The following TNFAIP1 variants were observed in gnomAD, a reference collection of about 807,000 sequenced individuals.
TNFAIP1 encodes the protein TNF alpha induced protein 1.
Under a neutral mutation model 32.6 loss-of-function variants are expected in TNFAIP1, and 20 were observed. The observed-to-expected ratio is 0.61, with a 90% CI of 0.43 to 0.89. TNFAIP1 has a LOEUF of 0.89. Among genes scored for constraint, TNFAIP1 ranks in the 40% least tolerant of loss-of-function variants. The pLI, the probability that TNFAIP1 is intolerant of heterozygous loss-of-function variation, is 0.00. For missense variants in TNFAIP1, 319 were observed against 425.1 expected (o/e 0.75, Z 2.20); for synonymous variants, 166 against 166.8 (o/e 1.00, Z 0.04).
chr17:28,339,068 CAAA>C (rs527819223), intron 1 of TNFAIP1, among the ~76,000 whole-genome samples: 10 of 98,392 alleles, frequency 1.0e-4, no homozygotes, highest in African/African-American at 1.1e-4. Context: ...CTGTCTCTAC[CAAA>C]AAAAAAAAAA....
rs1265932790 is a variant in TNFAIP1, at chr17:28,336,222, C to G, written c.-115+366C>G. Among the ~76,000 whole-genome samples, 5 of 152,292 alleles carry G rather than the reference C, an allele frequency of 3.3e-5. No individual in the cohort carries two copies. In the South Asian group the frequency reaches 1.0e-3, roughly 32 times the overall value. ...TAGACCCCTCCTCTTTCCACCTCCG[C>G]GGCTGTTTGCCCTTTGTTGTGCTTG... On this transcript the variant is annotated intron_variant, in intron 1 of 6. Coordinates refer to ENST00000226225, the MANE Select transcript of TNFAIP1 (RefSeq NM_021137.5).
rs1907556546 is a variant in TNFAIP1, at chr17:28,346,222, T to C, written c.*1622T>C. 1 of 152,332 alleles carries C rather than the reference T, an allele frequency of 6.6e-6. No individual in the cohort carries two copies. Among genetic ancestry groups the C allele is most frequent in the Admixed American group, 6.5e-5 (1 of 15,302 alleles). 9.4% of individuals were successfully genotyped at this position (152,332 alleles called of 1,614,324 possible). A position where few individuals can be genotyped will look rare whatever the true frequency, so the allele number is the denominator to read the frequency against. ...ACAGTCTTGAATGTATAAACAGCAC[T>C]AAGACTCTCAGGTCAGGTACCTTGG... On this transcript the variant is annotated 3_prime_UTR_variant, in exon 7 of 7. Transcript: ENST00000226225.
In TNFAIP1 at chr17:28,339,694, G is replaced by A; in HGVS notation, c.173G>A (p.Ser58Asn). 1 of 1,614,062 alleles carries A rather than the reference G, an allele frequency of 6.2e-7. No individual in the cohort carries two copies. The highest frequency in any genetic ancestry group is 8.5e-7 in the Non-Finnish European group (1 of 1,180,018). ...GACACCATGCTCAAGGCCATGTTCAGTGGGCGCATGGAGGTGCTGACCGAC... is the reference window on the plus strand; with the variant it reads ...GACACCATGCTCAAGGCCATGTTCAATGGGCGCATGGAGGTGCTGACCGAC... The part of the protein sequence containing the change: ...RHDTMLKAMF[S>N]GRMEVLTDKE... The change falls in exon 2 of 7, where the codon AGT becomes AAT. Residue 58 changes from serine to asparagine, a missense_variant. Physicochemically the swap from Ser to Asn is conservative, Grantham distance 46. Coordinates refer to ENST00000226225, the MANE Select transcript of TNFAIP1 (RefSeq NM_021137.5).
Position 28,344,672 on chromosome 17 carries a change from C to T in TNFAIP1, c.*72C>T, listed in dbSNP as rs782393879. On this transcript the variant is annotated 3_prime_UTR_variant, in exon 7 of 7. Transcript: ENST00000226225. ...TGTGGAACCCGCCCCATTGGCCACC[C>T]CATGCTGCTGCTGCCTGGGTCTCTG... 1 of 1,471,586 alleles carries T rather than the reference C, an allele frequency of 6.8e-7. No homozygotes were observed. The highest frequency in any genetic ancestry group is 9.4e-7 in the Non-Finnish European group (1 of 1,067,814). 91.2% of individuals were successfully genotyped at this position (1,471,586 alleles called of 1,614,324 possible). A position where few individuals can be genotyped will look rare whatever the true frequency, so the allele number is the denominator to read the frequency against.
Position 28,342,519 on chromosome 17 carries a change from G to A in TNFAIP1, c.714+77G>A. ...GGGGGACGTGGTCGGGCTGTGACCA[G>A]CACGGAGCAAAAGGGGCATGGACTT... On this transcript the variant is annotated intron_variant, in intron 6 of 6. Transcript: ENST00000226225. This position sits in a 1 kb window ranked among gnomAD's most constrained non-coding sequence, Gnocchi z 4.0. The A allele has an allele frequency of 7.2e-7, 1 of 1,397,108 alleles. No individual in the cohort carries two copies. The allele number at this position is 1,397,108 out of a possible 1,614,324, so 86.5% of individuals were successfully genotyped here.
chr17:28,336,675 G>C (rs532603196), intron 1 of TNFAIP1: 4 of 152,206 alleles, frequency 2.6e-5, no homozygotes, highest in Non-Finnish European at 5.9e-5. Flanking sequence ...GAAAAGGGAA[G>C]GTGATCTCAT....
Position 28,335,801 on chromosome 17 carries a change from G to C in TNFAIP1, c.-170G>C, listed in dbSNP as rs1597791704. On this transcript the variant is annotated 5_prime_UTR_variant, in exon 1 of 7. Coordinates refer to ENST00000226225, the MANE Select transcript of TNFAIP1 (RefSeq NM_021137.5). ...TGAGGGGCAGGCGGCTGCAGGCTAG[G>C]GGCGGCTCGGAGTCCGCTGGCCACC... 6.6e-6 allele frequency: 1 copy of C among 152,514 alleles called. No individual in the cohort carries two copies. The highest frequency in any genetic ancestry group is 6.5e-5 in the Admixed American group (1 of 15,298). 9.4% of individuals were successfully genotyped at this position (152,514 alleles called of 1,614,324 possible).
Position 28,346,465 on chromosome 17 carries a change from A to C in TNFAIP1, c.*1865A>C. 1 of 151,482 alleles carries C rather than the reference A, an allele frequency of 6.6e-6. No homozygotes were observed. The highest frequency in any genetic ancestry group is 1.9e-4 in the East Asian group (1 of 5,166). The allele number at this position is 151,482 out of a possible 1,614,324, so 9.4% of individuals were successfully genotyped here. ...GAGGTGTTGTGATGCTTGCCTTTTG[A>C]CCTCCCCATCCCCTTTAGTCCCTGC... On this transcript the variant is annotated 3_prime_UTR_variant, in exon 7 of 7. Transcript: ENST00000226225.
chr17:28,342,984 G>A lies in TNFAIP1; in HGVS notation c.714+542G>A, dbSNP rs1907420059. 6.6e-6 allele frequency among the ~76,000 whole-genome samples: 1 copy of A among 151,996 alleles called. No individual in the cohort carries two copies. The highest frequency in any genetic ancestry group is 2.4e-5 in the African/African-American group (1 of 41,380). ...GAGCCCAGGAGTTCAAGACCACCCT[G>A]GACAACATGGTGAAACCCCGTCTTT... On this transcript the variant is annotated intron_variant, in intron 6 of 6. Coordinates refer to ENST00000226225, the MANE Select transcript of TNFAIP1 (RefSeq NM_021137.5). The surrounding 1 kb of genome is among the most constrained non-coding windows in gnomAD (Gnocchi z 4.0).
In TNFAIP1 at chr17:28,342,288, A is replaced by T; in HGVS notation, c.560A>T (p.Asp187Val). Residue 187 changes from aspartate (D) to valine (V), a missense_variant, in exon 6 of 7, where the codon GAC (aspartate) becomes GTC (valine). Coordinates refer to ENST00000226225, the MANE Select transcript of TNFAIP1 (RefSeq NM_021137.5). This position sits in a 1 kb window ranked among gnomAD's most constrained non-coding sequence, Gnocchi z 4.0. ...CTGCTGAAAAACATCGAGCTGTTTG[A>T]CAAGCTCTCCCTGCGCTTCAACGGC... is the stretch of plus-strand genomic sequence containing the variant. Reference protein sequence around the residue: ...DHLLKNIELFDKLSLRFNGRV... With the variant: ...DHLLKNIELFVKLSLRFNGRV... 1.6e-5 allele frequency: 26 copies of T among 1,590,472 alleles called. No homozygotes were observed. The highest frequency in any genetic ancestry group is 2.2e-5 in the Non-Finnish European group (25 of 1,160,120).
At chr17:28,339,967 G>A (rs1472848352) in intron 2 of TNFAIP1, among the ~76,000 whole-genome samples, 2 of 152,224 alleles carry the variant, frequency 1.3e-5, no homozygotes, top group Non-Finnish European at 2.9e-5. Flanking sequence ...CATAGGAGCC[G>A]TCACCTTAAG....
rs782352267 is a variant in TNFAIP1, at chr17:28,344,428, G to A, written c.779G>A (p.Arg260His). Residue 260 changes from arginine to histidine, a missense_variant, in exon 7 of 7, where the codon CGC becomes CAC. Coordinates refer to ENST00000226225, the MANE Select transcript of TNFAIP1 (RefSeq NM_021137.5). ...AACGTCCTACTCTATGAGACTCCCCGCGTCCCCGACAACTCCTTGTTGGAG... is the reference window on the plus strand; with the variant it reads ...AACGTCCTACTCTATGAGACTCCCCACGTCCCCGACAACTCCTTGTTGGAG... ...TLNVLLYETP[R>H]VPDNSLLEAT... The A allele has an allele frequency of 6.2e-7, 1 of 1,613,874 alleles. No individual in the cohort carries two copies. The highest frequency in any genetic ancestry group is 8.5e-7 in the Non-Finnish European group (1 of 1,180,008).
intron 1 of TNFAIP1, among the ~76,000 whole-genome samples, 172 bp from the exon 2 acceptor site, chr17:28,339,236 T>C (rs1352024414): frequency 7.1e-6 from 1 of 140,990 alleles, no homozygotes; most frequent in Non-Finnish European, 1.5e-5. Flanking sequence ...AGACCCTGTC[T>C]CTAAGAAAAA....
rs2142389710 is a variant in TNFAIP1, at chr17:28,346,331, C to T, written c.*1731C>T. The T allele has an allele frequency of 6.6e-6, 1 of 152,338 alleles. No individual in the cohort carries two copies. Among genetic ancestry groups the T allele is most frequent in the South Asian group, 2.1e-4 (1 of 4,830 alleles). The allele number at this position is 152,338 out of a possible 1,614,324, so 9.4% of individuals were successfully genotyped here. On this transcript the variant is annotated 3_prime_UTR_variant, in exon 7 of 7. Coordinates refer to ENST00000226225, the MANE Select transcript of TNFAIP1 (RefSeq NM_021137.5). ...TTCTTTGGCCAAATTCAGGCTTTGGCTTTATGACTTTCCCACAGAGACTGG... is the reference window on the plus strand; with the variant it reads ...TTCTTTGGCCAAATTCAGGCTTTGGTTTTATGACTTTCCCACAGAGACTGG...
chr17:28,346,796 G>T lies in TNFAIP1; in HGVS notation c.*2196G>T, dbSNP rs998485185. 6.6e-6 allele frequency: 1 copy of T among 152,172 alleles called. No homozygotes were observed. Among genetic ancestry groups the T allele is most frequent in the African/African-American group, 2.4e-5 (1 of 41,436 alleles). 9.4% of individuals were successfully genotyped at this position (152,172 alleles called of 1,614,324 possible). Reference sequence around the variant, plus strand: ...GTATGGATGAAGGTCAGATTTTCTTGTCAGTTTCTGAGAAACCTGGCAGCC... The same window carrying T: ...GTATGGATGAAGGTCAGATTTTCTTTTCAGTTTCTGAGAAACCTGGCAGCC... On this transcript the variant is annotated 3_prime_UTR_variant, in exon 7 of 7. Transcript: ENST00000226225.
rs2142388823 is a variant in TNFAIP1 at position 28,345,527 on chromosome 17, A to C, written c.*927A>C. On this transcript the variant is annotated 3_prime_UTR_variant, in exon 7 of 7. Transcript: ENST00000226225. ...CTTGGCTTCCAGCCATGCTGTCCTC[A>C]CATACGGTAAAGCCAAAGAGCTGTC... 6.6e-6 allele frequency: 1 copy of C among 152,410 alleles called. No individual in the cohort carries two copies. Among genetic ancestry groups the C allele is most frequent in the South Asian group, 2.1e-4 (1 of 4,832 alleles). The allele number at this position is 152,410 out of a possible 1,614,324, so 9.4% of individuals were successfully genotyped here. A position where few individuals can be genotyped will look rare whatever the true frequency, so the allele number is the denominator to read the frequency against.
chr17:28,338,074 GT>G (rs1183422658), intron 1 of TNFAIP1, among the ~76,000 whole-genome samples: 3 of 152,058 alleles, frequency 2.0e-5, no homozygotes, highest in African/African-American at 7.2e-5. Context: ...TTTTTTCATT[GT>G]TCCCTACTGC....
chr17:28,337,046 G>C (rs3093677), intron 1 of TNFAIP1, among the ~76,000 whole-genome samples: 6 of 152,132 alleles, frequency 3.9e-5, no homozygotes, highest in African/African-American at 1.4e-4. Context: ...ATGAGCATTC[G>C]GTGAAATCAT....
Position 28,341,299 on chromosome 17 carries a change from G to A in TNFAIP1, c.438G>A (p.Glu146=). ...NIPIITSLKE[E]ERLIESSTKP... ...CCATCATCACATCCCTAAAGGAGGAGGAGCGGCTCATCGAATCCTCCACCA... is the reference window on the plus strand; with the variant it reads ...CCATCATCACATCCCTAAAGGAGGAAGAGCGGCTCATCGAATCCTCCACCA... Residue 146 remains glutamate (E), a synonymous_variant, in exon 4 of 7, where the codon GAG becomes GAA. Coordinates refer to ENST00000226225, the MANE Select transcript of TNFAIP1 (RefSeq NM_021137.5). 1 of 1,614,220 alleles carries A rather than the reference G, an allele frequency of 6.2e-7. No individual in the cohort carries two copies. Among genetic ancestry groups the A allele is most frequent in the Non-Finnish European group, 8.5e-7 (1 of 1,180,036 alleles).
Sources: allele counts gnomAD v4.1 joint callset (sites outside exome capture counted in the v4.1 genomes callset), GRCh38; gene constraint gnomAD v4.1.1; non-coding constraint Gnocchi (gnomAD v3.1); transcripts MANE v1.5; gene names NCBI Gene and HGNC (gene_info 2026-07-23, HGNC 2026-07-21).